The following PLD5 variants were observed in gnomAD, a reference collection of about 807,000 sequenced individuals.
PLD5 encodes the protein inactive phospholipase D5.
In PLD5, 36 loss-of-function variants were observed where a neutral mutation model predicts 61.1. The ratio of observed to expected loss-of-function variants is 0.59; its 90% CI spans 0.45 to 0.78. PLD5 has a LOEUF of 0.78. Among genes scored for constraint, PLD5 ranks in the 30% least tolerant of loss-of-function variants. The probability of loss-of-function intolerance (pLI) is 0.00; values close to 1 mark genes in which losing one functional copy is unlikely to be tolerated. For synonymous variants in PLD5, 243 were observed against 242.8 expected, an observed-to-expected ratio of 1.00 and a Z score of -0.01; for missense variants, 515 against 644.4, an observed-to-expected ratio of 0.80 and a Z score of 2.17.
rs531276064 is a variant in PLD5 at position 242,404,932 on chromosome 1, T to G, written c.190-56690A>C. On this transcript the variant is annotated intron_variant, in intron 1 of 9. Coordinates refer to ENST00000536534, the MANE Select transcript of PLD5 (RefSeq NM_001372062.1). ...TCTCACTCTGTCAACCAGGCTGGAA[T>G]GCAGTGGCGTGATCTTGGCTCACTG... Among the ~76,000 whole-genome samples, 12 of 137,300 alleles carry G rather than the reference T, an allele frequency of 8.7e-5. No homozygotes were observed. In the South Asian group the frequency reaches 2.7e-3, roughly 31 times the overall value. 90.1% of individuals were successfully genotyped at this position (137,300 alleles called of 152,430 possible).
intron 1 of PLD5, among the ~76,000 whole-genome samples, chr1:242,424,563 C>T (rs1427938859): frequency 6.6e-6 from 1 of 151,932 alleles, no homozygotes; most frequent in Non-Finnish European, 1.5e-5. Flanking sequence ...AAAAAATCAG[C>T]GTGATTTTGT....
At chr1:242,149,262 G>A (rs930014212) in intron 5 of PLD5, among the ~76,000 whole-genome samples, 4 of 151,820 alleles carry the variant, frequency 2.6e-5, no homozygotes, top group African/African-American at 7.2e-5. Context: ...AATTTTACGG[G>A]TTTGCTTCTT....
At chr1:242,181,993 A>C (rs1484398098) in intron 5 of PLD5, among the ~76,000 whole-genome samples, 1 of 152,218 alleles carries the variant, frequency 6.6e-6, no homozygotes, top group East Asian at 1.9e-4. Context: ...TAAATTTAGC[A>C]TCCCAGGCCA....
At chr1:242,203,684 C>T (rs1189373199) in intron 5 of PLD5, 1 of 152,506 alleles carries the variant, frequency 6.6e-6, no homozygotes, top group Non-Finnish European at 1.5e-5. Context: ...TTGTAAGCTC[C>T]CTGAGAACCT....
In PLD5 at chr1:242,236,963, C is replaced by G. The variant is rs114446463; in HGVS notation, c.608-16848G>C. On this transcript the variant is annotated intron_variant, in intron 4 of 9. Coordinates refer to ENST00000536534, the MANE Select transcript of PLD5 (RefSeq NM_001372062.1). The stretch of plus-strand genomic sequence containing the variant: ...TTAGAACTTGACAGCTTTAATTCCC[C>G]AATTAAAAATAAAAAAGAATCCAGG... 7.6e-3 allele frequency among the ~76,000 whole-genome samples: 1,162 copies of G among 152,220 alleles called. 22 individuals are homozygous for G. Among genetic ancestry groups the G allele is most frequent in the African/African-American group, 0.026 (1,075 of 41,538 alleles).
chr1:242,461,565 G>GA, intron 1 of PLD5, among the ~76,000 whole-genome samples: 1 of 152,168 alleles, frequency 6.6e-6, no homozygotes, highest in Admixed American at 6.6e-5. Context: ...TATTCTAATG[G>GA]AAAATCAATA....
At chr1:242,285,463 A>G (rs1319272007) in intron 3 of PLD5, among the ~76,000 whole-genome samples, 1 of 152,202 alleles carries the variant, frequency 6.6e-6, no homozygotes, top group African/African-American at 2.4e-5. Flanking sequence ...ACACCACCAC[A>G]CTTTAGCCTC....
At chr1:242,436,097 C>T (rs967441855) in intron 1 of PLD5, among the ~76,000 whole-genome samples, 1 of 152,000 alleles carries the variant, frequency 6.6e-6, no homozygotes, top group Admixed American at 6.6e-5. Flanking sequence ...CAAATGAAAC[C>T]CCACCCCCTC....
At chr1:242,116,942 G>A (rs745690451) in intron 6 of PLD5, among the ~76,000 whole-genome samples, 4 of 152,262 alleles carry the variant, frequency 2.6e-5, no homozygotes, top group South Asian at 4.1e-4. Context: ...GATAGAAAGC[G>A]TGTGCCTCTG....
chr1:242,395,019 ATATATGTATATATGAATG>A (rs1553366917), intron 1 of PLD5, among the ~76,000 whole-genome samples: 1 of 127,866 alleles, frequency 7.8e-6, no homozygotes, highest in Non-Finnish European at 1.6e-5. Context: ...ATATATGAAT[ATATATGTATATATGAATG>A]TATATGTATA....
At chr1:242,441,893 C>G (rs1004344801) in intron 1 of PLD5, among the ~76,000 whole-genome samples, 1 of 152,192 alleles carries the variant, frequency 6.6e-6, no homozygotes, top group Admixed American at 6.5e-5. Flanking sequence ...TAAACTTATT[C>G]CTTACAAAGA....
At chr1:242,364,647 C>T (rs144481885) in intron 1 of PLD5, among the ~76,000 whole-genome samples, 3,238 of 152,096 alleles carry the variant, frequency 0.021, 49 homozygotes, top group East Asian at 0.033. Context: ...ACCCAGGAGG[C>T]GGAGGTTGCA....
intron 1 of PLD5, among the ~76,000 whole-genome samples, chr1:242,463,534 T>C (rs73140201): frequency 0.031 from 4,771 of 152,128 alleles, 250 homozygotes; most frequent in African/African-American, 0.11. Context: ...TTCCAACGCC[T>C]TCTCTCTCAT....
intron 5 of PLD5, among the ~76,000 whole-genome samples, chr1:242,176,891 G>C (rs936109125): frequency 2.0e-5 from 3 of 152,176 alleles, no homozygotes; most frequent in African/African-American, 4.8e-5. Flanking sequence ...TCTCATACCA[G>C]TTAGTATGGG....
At chr1:242,181,259 C>CACTT (rs1667498805) in intron 5 of PLD5, among the ~76,000 whole-genome samples, 1 of 152,174 alleles carries the variant, frequency 6.6e-6, no homozygotes, top group African/African-American at 2.4e-5. Context: ...CTGCAGATCA[C>CACTT]ACTTGCAGTA....
chr1:242,480,482 TA>T (rs139416771), intron 1 of PLD5, among the ~76,000 whole-genome samples: 14,459 of 151,470 alleles, frequency 0.095, 933 homozygotes, highest in Non-Finnish European at 0.14. Context: ...CAATAACCAT[TA>T]AAAAAAAGAA....
intron 1 of PLD5, among the ~76,000 whole-genome samples, chr1:242,363,524 A>G (rs902038815): frequency 4.7e-5 from 7 of 150,428 alleles, no homozygotes; most frequent in African/African-American, 1.7e-4. Context: ...ACCTCATAAC[A>G]AAAGGAAAGA....
At chr1:242,339,486 G>C (rs1659715257) in intron 2 of PLD5, among the ~76,000 whole-genome samples, 1 of 152,208 alleles carries the variant, frequency 6.6e-6, no homozygotes, top group Non-Finnish European at 1.5e-5. Context: ...TGAAGGCATA[G>C]AGGCTCAAAA....
intron 1 of PLD5, among the ~76,000 whole-genome samples, chr1:242,370,042 T>C (rs1034867416): frequency 6.6e-6 from 1 of 152,104 alleles, no homozygotes; most frequent in Non-Finnish European, 1.5e-5. Flanking sequence ...GACTCAGTTG[T>C]GTATTAGTTT....
Sources: gnomAD v4.1 joint callset for allele counts (sites outside exome capture counted in the v4.1 genomes callset) on GRCh38, gnomAD v4.1.1 for gene constraint, MANE v1.5 for transcripts, NCBI Gene and HGNC (gene_info 2026-07-23, HGNC 2026-07-21) for gene names.